SH3KBP1: variants seen among roughly 807,000 people sequenced by gnomAD.
SH3KBP1 encodes SH3 domain containing kinase binding protein 1, also known as SH3 domain-containing kinase-binding protein 1.
In SH3KBP1, 8 loss-of-function variants were observed where a neutral mutation model predicts 50.1. That is an observed-to-expected ratio of 0.16 (90% CI 0.09 to 0.29). The LOEUF is 0.29. SH3KBP1 is among the 10% of genes least tolerant of loss of function. The probability of loss-of-function intolerance (pLI) is 1.00; values close to 1 mark genes in which losing one functional copy is unlikely to be tolerated. For synonymous variants in SH3KBP1, 227 were observed against 218.6 expected (o/e 1.04, Z -0.34); for missense variants, 377 against 535.2 (o/e 0.70, Z 2.92).
rs775445014 is a variant in SH3KBP1 at position 19,559,196 on chromosome X, C to T, written c.1385-9113G>A. On this transcript the variant is annotated intron_variant, in intron 13 of 17. Coordinates refer to ENST00000397821, the MANE Select transcript of SH3KBP1 (RefSeq NM_031892.3). The stretch of plus-strand genomic sequence containing the variant: ...CTGAGACAGGAGAATCGCTTGAACC[C>T]GGGAGGTGGAGGTTGCAGTGAGCTG... Among the ~76,000 whole-genome samples, 85 of 79,364 alleles carry T rather than the reference C, an allele frequency of 1.1e-3. 2 individuals carry two copies. Among genetic ancestry groups the T allele is most frequent in the Middle Eastern group, 0.012 (1 of 86 alleles). The allele number at this position is 79,364 out of a possible 115,157, so 68.9% of individuals were successfully genotyped here. A position where few individuals can be genotyped will look rare whatever the true frequency, so the allele number is the denominator to read the frequency against.
chrX:19,738,177 G>A (rs1195328865), intron 3 of SH3KBP1, among the ~76,000 whole-genome samples: 3 of 111,696 alleles, frequency 2.7e-5, no homozygotes, highest in African/African-American at 9.8e-5. Context: ...CCATCTGAGA[G>A]CCTGTACTAT....
chrX:19,732,079 G>T (rs1260837990), intron 3 of SH3KBP1, among the ~76,000 whole-genome samples: 2 of 110,972 alleles, frequency 1.8e-5, no homozygotes, highest in African/African-American at 3.3e-5. Flanking sequence ...TTTTTTTGAG[G>T]TTTGCACATG....
At chrX:19,624,790 T>C (rs754278217) in intron 8 of SH3KBP1, among the ~76,000 whole-genome samples, 3 of 112,368 alleles carry the variant, frequency 2.7e-5, no homozygotes, top group Non-Finnish European at 3.8e-5. Context: ...TCTAACAAGA[T>C]AGGCCATGCT....
At chrX:19,827,702 G>T (rs1168133672) in intron 2 of SH3KBP1, among the ~76,000 whole-genome samples, 1 of 107,106 alleles carries the variant, frequency 9.3e-6, no homozygotes, top group Non-Finnish European at 1.9e-5. Context: ...ATTAACCCCT[G>T]TGAAAGAGTC....
chrX:19,587,517 T>G (rs1402072611), intron 12 of SH3KBP1, among the ~76,000 whole-genome samples: 1 of 112,396 alleles, frequency 8.9e-6, no homozygotes. Context: ...TTAAAACTTG[T>G]CTTTAAGAGA....
At chrX:19,546,726 T>C (rs756359859) in intron 14 of SH3KBP1, among the ~76,000 whole-genome samples, 1 of 112,311 alleles carries the variant, frequency 8.9e-6, no homozygotes, top group East Asian at 2.8e-4. Flanking sequence ...GCCCTCATTA[T>C]TGCTGACAGT....
intron 12 of SH3KBP1, among the ~76,000 whole-genome samples, chrX:19,587,475 A>C (rs941698178): frequency 6.3e-5 from 7 of 111,985 alleles, no homozygotes; most frequent in African/African-American, 2.3e-4. Context: ...TTAGGATGGT[A>C]AATTTTTACA....
chrX:19,699,583 G>T (rs912769346), intron 4 of SH3KBP1, among the ~76,000 whole-genome samples: 2 of 112,434 alleles, frequency 1.8e-5, no homozygotes, highest in African/African-American at 6.5e-5. Flanking sequence ...CCAGAGCTGG[G>T]AGCAGAGCAG....
In SH3KBP1 at chrX:19,760,025, TCTCTCTCTCTCTCTCC is replaced by T. The variant is rs1447451110; in HGVS notation, c.163-13600_163-13585del. The stretch of plus-strand genomic sequence containing the variant: ...TCAGTCTCGGTCTCTCTCTCTCTCC[TCTCTCTCTCTCTCTCC>T]CTCTCTCTCTCTCTCTCTCTCTCTC... On this transcript the variant is annotated intron_variant, in intron 2 of 17. Coordinates refer to ENST00000397821, the MANE Select transcript of SH3KBP1 (RefSeq NM_031892.3). 4.0e-3 allele frequency among the ~76,000 whole-genome samples: 265 copies of T among 65,446 alleles called. 7 individuals carry two copies. The highest frequency in any genetic ancestry group is 0.019 in the African/African-American group (240 of 12,463). 56.8% of individuals were successfully genotyped at this position (65,446 alleles called of 115,157 possible). A position where few individuals can be genotyped will look rare whatever the true frequency, so the allele number is the denominator to read the frequency against.
chrX:19,788,633 T>A (rs56720780), intron 2 of SH3KBP1, among the ~76,000 whole-genome samples: 2,689 of 111,684 alleles, frequency 0.024, 85 homozygotes, highest in African/African-American at 0.083. Flanking sequence ...GAAAGTCACT[T>A]TGAATCTATT....
At chrX:19,545,773 T>C in intron 15 of SH3KBP1, 149 bp downstream of exon 15, 1 of 616,498 alleles carries the variant, frequency 1.6e-6, no homozygotes. Flanking sequence ...GACTGCAACA[T>C]GCCTTGGGGA....
At chrX:19,691,252 T>G (rs1464361121) in intron 5 of SH3KBP1, among the ~76,000 whole-genome samples, 2 of 106,605 alleles carry the variant, frequency 1.9e-5, no homozygotes, top group African/African-American at 3.4e-5. Context: ...AGCCTCCAAG[T>G]GGATTATCCA....
chrX:19,604,284 C>G (rs756638296), intron 9 of SH3KBP1, among the ~76,000 whole-genome samples: 1 of 111,843 alleles, frequency 8.9e-6, no homozygotes, highest in African/African-American at 3.3e-5. Context: ...AACGGATGCT[C>G]TTCTGGAATA....
At chrX:19,856,470 C>T (rs1016378358) in intron 1 of SH3KBP1, among the ~76,000 whole-genome samples, 7 of 111,495 alleles carry the variant, frequency 6.3e-5, no homozygotes, top group Non-Finnish European at 1.3e-4. Context: ...TTGTCAGTAG[C>T]GACCTTTAAG....
At chrX:19,571,167 A>G (rs1418859220) in intron 12 of SH3KBP1, among the ~76,000 whole-genome samples, 1 of 112,013 alleles carries the variant, frequency 8.9e-6, no homozygotes, top group African/African-American at 3.2e-5. Context: ...CTAAGAGAAA[A>G]TACAGCTCCA....
At chrX:19,628,714 C>T (rs1480298423) in intron 8 of SH3KBP1, among the ~76,000 whole-genome samples, 1 of 111,808 alleles carries the variant, frequency 8.9e-6, no homozygotes, top group Non-Finnish European at 1.9e-5. Context: ...TTTTCTTAAG[C>T]AGCAAGCTCT....
chrX:19,779,043 C>T (rs1430642328), intron 2 of SH3KBP1, among the ~76,000 whole-genome samples: 2 of 108,947 alleles, frequency 1.8e-5, no homozygotes, highest in Non-Finnish European at 3.8e-5. Context: ...CACCTGTAAT[C>T]CCAACCTTTT....
At chrX:19,865,660 T>C (rs1422993365) in intron 1 of SH3KBP1, among the ~76,000 whole-genome samples, 1 of 112,283 alleles carries the variant, frequency 8.9e-6, no homozygotes, top group East Asian at 2.8e-4. Context: ...ATTTAAGCTC[T>C]ATTTTTAGCA....
chrX:19,873,180 A>G (rs1466215100), intron 1 of SH3KBP1, among the ~76,000 whole-genome samples: 1 of 107,192 alleles, frequency 9.3e-6, no homozygotes, highest in African/African-American at 3.4e-5. Context: ...AATGACAGGG[A>G]AATAGTTACA....
Sources: gnomAD v4.1 joint callset for allele counts (sites outside exome capture counted in the v4.1 genomes callset) on GRCh38, gnomAD v4.1.1 for gene constraint, MANE v1.5 for transcripts, NCBI Gene and HGNC (gene_info 2026-07-23, HGNC 2026-07-21) for gene names.